The following UPP2 variants were observed in gnomAD, a reference collection of about 807,000 sequenced individuals.
UPP2 encodes UPase 2.
Under a neutral mutation model 26.7 loss-of-function variants are expected in UPP2, and 23 were observed. That is an observed-to-expected ratio of 0.86 (90% CI 0.62 to 1.22). UPP2 has a LOEUF of 1.22. UPP2 is among the 50% of genes most tolerant of loss of function. The pLI, the probability that UPP2 is intolerant of heterozygous loss-of-function variation, is 0.00. For synonymous variants in UPP2, 127 were observed against 141.3 expected (o/e 0.90, Z 0.72); for missense variants, 387 against 396.7 (o/e 0.98, Z 0.21).
intron 2 of UPP2, among the ~76,000 whole-genome samples, chr2:158,006,237 A>T (rs1683485075): frequency 6.6e-6 from 1 of 152,228 alleles, no homozygotes; most frequent in African/African-American, 2.4e-5. Flanking sequence ...AGGCGGGCAG[A>T]TCACGAGGTC....
rs566962047 is a variant in UPP2 at position 158,003,723 on chromosome 2, A to T, written c.61+8464A>T. On this transcript the variant is annotated intron_variant, in intron 2 of 9. Transcript: ENST00000605860. ...ACTGTTTCTCAAAAAATAAAAAAAA[A>T]AAAAAAAGAGAGAAAACTACAACTC... Among the ~76,000 whole-genome samples the T allele has an allele frequency of 3.1e-3, 463 of 151,704 alleles. 1 individual carries two copies. The highest frequency in any genetic ancestry group is 0.01 in the African/African-American group (434 of 41,386).
rs569150316 is a variant in UPP2, at chr2:158,063,521, A to G, written c.148-38519A>G. On this transcript the variant is annotated intron_variant, in intron 3 of 9. Transcript: ENST00000605860. ...ACATGGCCACCGCCACCCAGCAACAACCATCTCTGCCTCCTGCCCTGCAGC... is the reference window on the plus strand; with the variant it reads ...ACATGGCCACCGCCACCCAGCAACAGCCATCTCTGCCTCCTGCCCTGCAGC... 3.3e-5 allele frequency among the ~76,000 whole-genome samples: 5 copies of G among 151,998 alleles called. No homozygotes were observed. The East Asian group carries it at 9.7e-4, about 29-fold the overall frequency.
chr2:158,109,776 A>AGATTCAG (rs769285854), intron 2 of UPP2, among the ~76,000 whole-genome samples: 14 of 152,238 alleles, frequency 9.2e-5, no homozygotes, highest in Non-Finnish European at 1.5e-4. Flanking sequence ...CTCACTAGAA[A>AGATTCAG]GATTCAGACA....
intron 6 of UPP2, among the ~76,000 whole-genome samples, chr2:158,133,418 T>A (rs1482708607): frequency 6.6e-6 from 1 of 152,074 alleles, no homozygotes; most frequent in African/African-American, 2.4e-5. Context: ...AAATTTCAGT[T>A]ACAAGGAGGA....
intron 3 of UPP2, among the ~76,000 whole-genome samples, chr2:158,024,578 A>T (rs1683806472): frequency 6.6e-6 from 1 of 152,208 alleles, no homozygotes; most frequent in Non-Finnish European, 1.5e-5. Flanking sequence ...AAATGTCATC[A>T]GTTTTTAACG....
chr2:158,045,455 T>A (rs1684139415), intron 3 of UPP2, among the ~76,000 whole-genome samples: 1 of 152,176 alleles, frequency 6.6e-6, no homozygotes, highest in Non-Finnish European at 1.5e-5. Flanking sequence ...TGGGCAGCTT[T>A]AGGAACATCC....
intron 2 of UPP2, among the ~76,000 whole-genome samples, chr2:158,113,440 T>C (rs1237463300): frequency 6.6e-6 from 1 of 152,236 alleles, no homozygotes; most frequent in Non-Finnish European, 1.5e-5. Flanking sequence ...CTTAACCTCT[T>C]TGCTACCAGT....
At chr2:158,054,275 T>C (rs1682208725) in intron 3 of UPP2, among the ~76,000 whole-genome samples, 1 of 151,562 alleles carries the variant, frequency 6.6e-6, no homozygotes, top group Admixed American at 6.6e-5. Context: ...AGTAAATAAA[T>C]GAATAAATAA....
chr2:158,016,138 ACT>A (rs1448177590), intron 3 of UPP2, among the ~76,000 whole-genome samples: 3 of 150,040 alleles, frequency 2.0e-5, no homozygotes, highest in Non-Finnish European at 4.4e-5. Flanking sequence ...AAAAAAAAAA[ACT>A]AACAGATTTT....
intron 3 of UPP2, among the ~76,000 whole-genome samples, chr2:158,035,220 C>T (rs994945673): frequency 1.3e-5 from 2 of 149,714 alleles, no homozygotes; most frequent in East Asian, 2.0e-4. Flanking sequence ...TGCAGTGGTG[C>T]GATTTCAGCT....
intron 6 of UPP2, chr2:158,128,150 C>T (rs1177089776): frequency 2.9e-5 from 11 of 378,934 alleles, no homozygotes; most frequent in Non-Finnish European, 3.6e-5. Context: ...TGCTTAAATC[C>T]TCTTCTATGT....
intron 2 of UPP2, among the ~76,000 whole-genome samples, chr2:157,998,346 T>C (rs1434050069): frequency 2.6e-5 from 4 of 152,154 alleles, no homozygotes; most frequent in Non-Finnish European, 5.9e-5. Flanking sequence ...ACTAAGATAT[T>C]CAGAAATACT....
At chr2:158,050,416 TC>T (rs1477031009) in intron 3 of UPP2, among the ~76,000 whole-genome samples, 1 of 152,138 alleles carries the variant, frequency 6.6e-6, no homozygotes, top group Non-Finnish European at 1.5e-5. Context: ...TACTAGTCTA[TC>T]TTATCCTTAT....
Position 158,106,110 on chromosome 2 carries a change from T to G in UPP2, c.74T>G (p.Val25Gly). The change falls in exon 2 of 7, where the codon GTT becomes GGT. Residue 25 changes from valine (V) to glycine (G), a missense_variant. Val to Gly is a moderately radical substitution (Grantham distance 109). Transcript: ENST00000005756. ...ATTTTTTTTTCCAGAAAAAGGTTTG[T>G]TCACGTTAAAAATCCTTACTTGGAT... ...DRNTYVGKRF[V>G]HVKNPYLDLM... 1 of 1,592,994 alleles carries G rather than the reference T, an allele frequency of 6.3e-7. No homozygotes were observed. Among genetic ancestry groups the G allele is most frequent in the Non-Finnish European group, 8.5e-7 (1 of 1,173,642 alleles).
intron 3 of UPP2, among the ~76,000 whole-genome samples, chr2:158,063,758 C>G (rs758265973): frequency 2.0e-5 from 3 of 152,278 alleles, no homozygotes; most frequent in African/African-American, 2.4e-5. Flanking sequence ...GCCTCCACCC[C>G]CCGACAGGTC....
At chr2:158,114,433 C>T (rs1444279385) in intron 2 of UPP2, among the ~76,000 whole-genome samples, 1 of 152,140 alleles carries the variant, frequency 6.6e-6, no homozygotes, top group Non-Finnish European at 1.5e-5. Context: ...CTATTAGACA[C>T]CGTTGACTGC....
intron 3 of UPP2, among the ~76,000 whole-genome samples, chr2:158,044,270 G>A (rs560423896): frequency 6.6e-6 from 1 of 152,296 alleles, no homozygotes; most frequent in South Asian, 2.1e-4. Context: ...TTTGATGTAG[G>A]CCTGCCTAGA....
chr2:158,078,051 T>C (rs1308327663), intron 3 of UPP2, among the ~76,000 whole-genome samples: 1 of 152,064 alleles, frequency 6.6e-6, no homozygotes, highest in Non-Finnish European at 1.5e-5. Context: ...TCATTGATCA[T>C]CAGAGAAATG....
rs371985685 is a variant in UPP2 at position 158,102,172 on chromosome 2, C to G, written c.62+47C>G. 1.0e-5 allele frequency: 16 copies of G among 1,594,376 alleles called. No homozygotes were observed. The African/African-American group carries it at 2.2e-4, about 22-fold the overall frequency. On this transcript the variant is annotated intron_variant, in intron 1 of 6. Coordinates refer to ENST00000005756, the MANE Select transcript of UPP2 (RefSeq NM_173355.4). ...AATTTGTTTTGATCAGATGGTTGCT[C>G]CTTGGATTTTGTATTAAATGATTAG...
Sources: allele counts gnomAD v4.1 joint callset (sites outside exome capture counted in the v4.1 genomes callset), GRCh38; gene constraint gnomAD v4.1.1; transcripts MANE v1.5; gene names NCBI Gene and HGNC (gene_info 2026-07-23, HGNC 2026-07-21).